The following TOP6BL variants were observed in gnomAD, a reference collection of about 807,000 sequenced individuals.
TOP6BL encodes the protein TOP6B like initiator of meiotic double strand breaks, also known as type 2 DNA topoisomerase 6 subunit B-like.
At chr11:66,779,638 T>C in the TOP6BL span, among the ~76,000 whole-genome samples, 2 of 152,280 alleles carry the variant, frequency 1.3e-5, no homozygotes, top group South Asian at 2.1e-4. Context: ...GAAATACCAT[T>C]TGACCCCGCC....
At chr11:66,817,891 GAGC>G in the TOP6BL span, among the ~76,000 whole-genome samples, 1 of 152,280 alleles carries the variant, frequency 6.6e-6, no homozygotes, top group African/African-American at 2.4e-5. Flanking sequence ...CACTGAGCAT[GAGC>G]AGGAGTTGAC....
chr11:66,784,622 T>C, the TOP6BL span, among the ~76,000 whole-genome samples: 2 of 152,268 alleles, frequency 1.3e-5, no homozygotes, highest in Non-Finnish European at 2.9e-5. Context: ...ACATCTCATA[T>C]AAATGGAATC....
At chr11:66,749,067 G>C in the TOP6BL span, among the ~76,000 whole-genome samples, 1 of 151,542 alleles carries the variant, frequency 6.6e-6, no homozygotes, top group Non-Finnish European at 1.5e-5. Context: ...TGTGTGTGGT[G>C]TGTGTGTGTG....
chr11:66,822,533 C>A, the TOP6BL span: 1 of 1,354,704 alleles, frequency 7.4e-7, no homozygotes, highest in Non-Finnish European at 1.0e-6. Flanking sequence ...GGGATTCATG[C>A]AGTCTCCCCC....
At chr11:66,744,824 G>GCGC in the TOP6BL span, 1 of 1,293,768 alleles carries the variant, frequency 7.7e-7, no homozygotes, top group Non-Finnish European at 9.9e-7. Flanking sequence ...GGAGGGGGCG[G>GCGC]CGGCGGCGGC....
chr11:66,752,411 A>G, the TOP6BL span, among the ~76,000 whole-genome samples: 1 of 152,090 alleles, frequency 6.6e-6, no homozygotes, highest in Non-Finnish European at 1.5e-5. Context: ...ATTACTCTGT[A>G]TGTGACCTGT....
the TOP6BL span, chr11:66,843,351 C>CT: frequency 6.9e-7 from 1 of 1,458,354 alleles, no homozygotes; most frequent in Non-Finnish European, 9.0e-7. Context: ...GCTTCCGCGT[C>CT]GGGCCCGGGC....
the TOP6BL span, among the ~76,000 whole-genome samples, chr11:66,802,405 G>A: frequency 6.2e-4 from 95 of 152,074 alleles, no homozygotes; most frequent in African/African-American, 2.1e-3. Flanking sequence ...CTCCTGCCTC[G>A]GTCTCCCAAA....
the TOP6BL span, among the ~76,000 whole-genome samples, chr11:66,800,094 C>T: frequency 2.7e-5 from 4 of 150,314 alleles, no homozygotes; most frequent in Non-Finnish European, 5.9e-5. Context: ...AAAAAACTAA[C>T]TGTATTCCAT....
chr11:66,817,767 G>GA, the TOP6BL span, among the ~76,000 whole-genome samples: 21 of 152,046 alleles, frequency 1.4e-4, no homozygotes, highest in Non-Finnish European at 2.2e-4. Context: ...GGCAAGGTCT[G>GA]AACTCCTGGG....
chr11:66,774,203 TG>T, the TOP6BL span, among the ~76,000 whole-genome samples: 1 of 152,306 alleles, frequency 6.6e-6, no homozygotes, highest in African/African-American at 2.4e-5. Flanking sequence ...CCAAACAGAT[TG>T]CTACTTGTCC....
chr11:66,839,988 C>T, the TOP6BL span, among the ~76,000 whole-genome samples: 4 of 152,184 alleles, frequency 2.6e-5, no homozygotes, highest in South Asian at 2.1e-4. Flanking sequence ...TTCAGTTTGC[C>T]GCCTCCAAAG....
the TOP6BL span, among the ~76,000 whole-genome samples, chr11:66,784,771 T>G: frequency 8.7e-4 from 132 of 152,304 alleles, no homozygotes; most frequent in African/African-American, 3.0e-3. Flanking sequence ...CATCATTTGA[T>G]GGACATTTGG....
chr11:66,840,461 C>A, the TOP6BL span, among the ~76,000 whole-genome samples: 2 of 152,132 alleles, frequency 1.3e-5, no homozygotes, highest in Non-Finnish European at 2.9e-5. Context: ...CACTGCTGCA[C>A]CTTCAGCCTT....
At chr11:66,833,729 C>G in the TOP6BL span, among the ~76,000 whole-genome samples, 986 of 152,188 alleles carry the variant, frequency 6.5e-3, 2 homozygotes, top group Middle Eastern at 0.01. Context: ...AGGTGGATCA[C>G]TTGAGGTCAG....
the TOP6BL span, chr11:66,815,722 G>T: frequency 4.5e-6 from 1 of 220,798 alleles, no homozygotes; most frequent in Non-Finnish European, 9.0e-6. Context: ...TTACACTCAG[G>T]TGAATCTAAC....
At chr11:66,761,110 G>A in the TOP6BL span, among the ~76,000 whole-genome samples, 4 of 151,826 alleles carry the variant, frequency 2.6e-5, no homozygotes, top group South Asian at 2.1e-4. Context: ...GGTGGCTCAC[G>A]CCTGTAATCC....
chr11:66,809,911 C>G, the TOP6BL span, among the ~76,000 whole-genome samples: 1 of 151,872 alleles, frequency 6.6e-6, no homozygotes, highest in Non-Finnish European at 1.5e-5. Flanking sequence ...AGGGTCTCAC[C>G]CCCGAGTTTC....
the TOP6BL span, among the ~76,000 whole-genome samples, chr11:66,785,160 T>C: frequency 6.6e-6 from 1 of 151,954 alleles, no homozygotes; most frequent in Non-Finnish European, 1.5e-5. Context: ...GGTTTCACCA[T>C]GTTGTCCAGG....
Sources: allele counts gnomAD v4.1 joint callset (sites outside exome capture counted in the v4.1 genomes callset), GRCh38; gene constraint gnomAD v4.1.1; transcripts MANE v1.5; gene names NCBI Gene and HGNC (gene_info 2026-07-23, HGNC 2026-07-21).